Variants in LHFPL3 observed in about 807,000 individuals in gnomAD.
LHFPL3 encodes LHFPL tetraspan subfamily member 3.
Under a neutral mutation model 19.3 loss-of-function variants are expected in LHFPL3, and 5 were observed. The observed-to-expected ratio is 0.26, with a 90% CI of 0.14 to 0.54. LHFPL3 has a LOEUF of 0.54. Ranked by LOEUF, LHFPL3 falls within the 20% of genes least tolerant of loss-of-function variation. The pLI is 0.94. For synonymous variants in LHFPL3, 133 were observed against 126.2 expected, an observed-to-expected ratio of 1.05 and a Z score of -0.36; for missense variants, 249 against 307.4, an observed-to-expected ratio of 0.81 and a Z score of 1.42.
intron 2 of LHFPL3, among the ~76,000 whole-genome samples, chr7:104,788,647 G>A (rs898903554): frequency 5.3e-5 from 8 of 152,084 alleles, no homozygotes; most frequent in East Asian, 1.9e-4. Context: ...GAACAAAGCT[G>A]TCTTCTCCCT....
intron 2 of LHFPL3, among the ~76,000 whole-genome samples, chr7:104,795,456 T>C (rs1790105827): frequency 6.6e-6 from 1 of 152,218 alleles, no homozygotes; most frequent in Non-Finnish European, 1.5e-5. Context: ...CAGCGATTCT[T>C]CTAACAGTTT....
intron 1 of LHFPL3, among the ~76,000 whole-genome samples, chr7:104,558,553 G>C (rs954724244): frequency 6.6e-6 from 1 of 151,350 alleles, no homozygotes; most frequent in Non-Finnish European, 1.5e-5. Context: ...AAATTTGTTT[G>C]AGTTCATTGT....
rs558203551 is a variant in LHFPL3 at position 104,741,292 on chromosome 7, T to C, written c.682+4381T>C. 3.3e-5 allele frequency among the ~76,000 whole-genome samples: 5 copies of C among 152,188 alleles called. No individual in the cohort carries two copies. In the South Asian group the frequency reaches 8.3e-4, roughly 25 times the overall value. ...ATCATAAATTGTAAAGTGGGAAAAT[T>C]AAAATGAAGGAATTTTAACATACTT... On this transcript the variant is annotated intron_variant, in intron 2 of 2. Coordinates refer to ENST00000424859, the MANE Select transcript of LHFPL3 (RefSeq NM_199000.3).
intron 2 of LHFPL3, among the ~76,000 whole-genome samples, chr7:104,767,317 G>C (rs1340637595): frequency 6.6e-6 from 1 of 152,174 alleles, no homozygotes. Flanking sequence ...CACTGTGAAT[G>C]CTAGAGGATC....
intron 1 of LHFPL3, among the ~76,000 whole-genome samples, chr7:104,557,909 A>G (rs897785140): frequency 6.0e-5 from 9 of 149,612 alleles, no homozygotes; most frequent in African/African-American, 2.2e-4. Context: ...ATTCCCACCT[A>G]TGAATGAGAA....
At chr7:104,577,583 A>T (rs1375753219) in intron 1 of LHFPL3, among the ~76,000 whole-genome samples, 2 of 152,086 alleles carry the variant, frequency 1.3e-5, no homozygotes, top group Non-Finnish European at 2.9e-5. Context: ...TCCTAAACAG[A>T]GTGAATTTTT....
Position 104,591,057 on chromosome 7 carries a change from CTCTT to C in LHFPL3, c.446-145616_446-145613del, listed in dbSNP as rs372502699. On this transcript the variant is annotated intron_variant, in intron 1 of 2. Transcript: ENST00000424859. ...AATAGAGCACACTGATGGGTCCTGA[CTCTT>C]TATCCAATTTGCCAGTCTGTGTCTT... 1.3e-3 allele frequency among the ~76,000 whole-genome samples: 191 copies of C among 152,268 alleles called. 2 individuals carry two copies. The East Asian group carries it at 0.033, about 26-fold the overall frequency.
intron 1 of LHFPL3, among the ~76,000 whole-genome samples, chr7:104,367,195 G>C (rs956054161): frequency 7.9e-5 from 12 of 152,174 alleles, no homozygotes; most frequent in African/African-American, 2.9e-4. Flanking sequence ...AAATACTAGA[G>C]AGACAGTCTT....
At chr7:104,756,164 A>G (rs939694696) in intron 2 of LHFPL3, among the ~76,000 whole-genome samples, 2 of 152,080 alleles carry the variant, frequency 1.3e-5, no homozygotes, top group Middle Eastern at 3.2e-3. Context: ...ACACACTCAC[A>G]CTCCACACAC....
chr7:104,614,687 CTTTCTTTCTTTCT>C (rs1562950485), intron 1 of LHFPL3, among the ~76,000 whole-genome samples: 55 of 103,618 alleles, frequency 5.3e-4, no homozygotes, highest in African/African-American at 1.4e-3. Context: ...TTCCTTCTTT[CTTTCTTTCTTTCT>C]TTCTTTCTTT....
intron 2 of LHFPL3, among the ~76,000 whole-genome samples, chr7:104,768,372 A>G (rs1794495868): frequency 6.6e-6 from 1 of 151,946 alleles, no homozygotes; most frequent in Non-Finnish European, 1.5e-5. Flanking sequence ...CCGACATCAC[A>G]CTCCCATCTC....
At chr7:104,812,893 C>T (rs1276410145) in intron 2 of LHFPL3, among the ~76,000 whole-genome samples, 1 of 143,026 alleles carries the variant, frequency 7.0e-6, no homozygotes, top group Admixed American at 7.3e-5. Flanking sequence ...GTGGGCAGGT[C>T]ACAAGGTAAG....
intron 1 of LHFPL3, among the ~76,000 whole-genome samples, chr7:104,408,604 G>A (rs1226703181): frequency 6.6e-6 from 1 of 152,086 alleles, no homozygotes; most frequent in East Asian, 1.9e-4. Context: ...AACCAAAAAG[G>A]AAGCCATCTG....
chr7:104,699,834 C>A (rs759753541), intron 1 of LHFPL3, among the ~76,000 whole-genome samples: 3 of 152,142 alleles, frequency 2.0e-5, no homozygotes, highest in Non-Finnish European at 4.4e-5. Flanking sequence ...AGCTGGGGTA[C>A]TTTGACCTCA....
At chr7:104,726,088 A>C (rs969695356) in intron 1 of LHFPL3, among the ~76,000 whole-genome samples, 1 of 141,090 alleles carries the variant, frequency 7.1e-6, no homozygotes, top group Non-Finnish European at 1.5e-5. Context: ...TCTCCCAAGT[A>C]CTTGTAATCT....
At chr7:104,396,901 C>T (rs905933420) in intron 1 of LHFPL3, among the ~76,000 whole-genome samples, 1 of 151,982 alleles carries the variant, frequency 6.6e-6, no homozygotes. Context: ...GTCTAGGAGG[C>T]TGAGGTTGCA....
chr7:104,501,574 A>G (rs1278840312), intron 1 of LHFPL3, among the ~76,000 whole-genome samples: 1 of 152,192 alleles, frequency 6.6e-6, no homozygotes, highest in Non-Finnish European at 1.5e-5. Context: ...GGTGAGTCAT[A>G]CTGATAGTCA....
intron 1 of LHFPL3, among the ~76,000 whole-genome samples, chr7:104,338,033 T>C (rs916977016): frequency 3.3e-5 from 5 of 151,158 alleles, no homozygotes; most frequent in Admixed American, 3.3e-4. Context: ...TAAAAGAGAG[T>C]AGAAAATACG....
chr7:104,713,577 A>G (rs996642047), intron 1 of LHFPL3, among the ~76,000 whole-genome samples: 2 of 152,064 alleles, frequency 1.3e-5, no homozygotes, highest in African/African-American at 2.4e-5. Flanking sequence ...CCATAATCCA[A>G]TCACCTCCCA....
Sources: gnomAD v4.1 joint callset for allele counts (sites outside exome capture counted in the v4.1 genomes callset) on GRCh38, gnomAD v4.1.1 for gene constraint, MANE v1.5 for transcripts, NCBI Gene and HGNC (gene_info 2026-07-23, HGNC 2026-07-21) for gene names.